The following GORAB variants were observed in gnomAD, a reference collection of about 807,000 sequenced individuals.
GORAB encodes the protein RAB6-interacting golgin.
GORAB carries 17 observed loss-of-function variants against 29.9 expected under a neutral mutation model. The ratio of observed to expected loss-of-function variants is 0.57; its 90% CI spans 0.39 to 0.85. The LOEUF (loss-of-function observed/expected upper bound fraction) is 0.85. Among genes scored for constraint, GORAB ranks in the 40% least tolerant of loss-of-function variants. The pLI is 0.00. For synonymous variants in GORAB, 183 were observed against 157.2 expected, an observed-to-expected ratio of 1.16 and a Z score of -1.23; for missense variants, 442 against 437.8, an observed-to-expected ratio of 1.01 and a Z score of -0.09.
At chr1:170,532,563 G>A (rs981412284) in intron 1 of GORAB, 6 of 432,378 alleles carry the variant, frequency 1.4e-5, no homozygotes, top group Non-Finnish European at 2.2e-5. Flanking sequence ...CTTGGGAGAG[G>A]AAGTGAGCCT....
intron 3 of GORAB, among the ~76,000 whole-genome samples, chr1:170,542,813 T>A (rs376696322): frequency 1.4e-4 from 22 of 152,320 alleles, no homozygotes; most frequent in African/African-American, 5.3e-4. Flanking sequence ...AATTTGTAAA[T>A]ATAGTTGCAG....
chr1:170,551,000 TTTCACATAAGAC>T (rs1650074012), intron 4 of GORAB, among the ~76,000 whole-genome samples: 1 of 152,240 alleles, frequency 6.6e-6, no homozygotes, highest in African/African-American at 2.4e-5. Context: ...AATTGCCCTA[TTTCACATAAGAC>T]TTCACATAAG....
chr1:170,544,651 G>C, intron 3 of GORAB, 54 bp from the exon 4 acceptor site: 1 of 1,493,658 alleles, frequency 6.7e-7, no homozygotes, highest in Non-Finnish European at 9.3e-7. Context: ...ATTGTATATG[G>C]ACACATGGTT....
chr1:170,552,151 T>C lies in GORAB; in HGVS notation c.799T>C (p.Leu267=). Reference sequence around the variant, plus strand: ...AAATGAGCTCCGAAAGGCCAAGAAGTTGGAGGAGTTGATGCAACAACTAGA... The same window carrying C: ...AAATGAGCTCCGAAAGGCCAAGAAGCTGGAGGAGTTGATGCAACAACTAGA... The part of the protein sequence containing the change: ...QQNELRKAKK[L]EELMQQLDVE... The change falls in exon 5 of 5, where the codon TTG becomes CTG. Residue 267 remains leucine (L), a synonymous_variant. Coordinates refer to ENST00000367763, the MANE Select transcript of GORAB (RefSeq NM_152281.3). 1 of 1,613,842 alleles carries C rather than the reference T, an allele frequency of 6.2e-7. No individual in the cohort carries two copies.
At chr1:170,547,397 GCTGCTGCTGCTGCTGCTA>G (rs969167531) in intron 4 of GORAB, among the ~76,000 whole-genome samples, 5 of 90,474 alleles carry the variant, frequency 5.5e-5, no homozygotes, top group Non-Finnish European at 9.5e-5. Flanking sequence ...TGAGAGAGTT[GCTGCTGCTGCTGCTGCTA>G]CTGCTGCTAC....
rs1211310315 is a variant in GORAB, at chr1:170,553,049, A to G, written c.*587A>G. 4 of 453,754 alleles carry G rather than the reference A, an allele frequency of 8.8e-6. No individual in the cohort carries two copies. In the East Asian group the frequency reaches 2.8e-4, roughly 32 times the overall value. 28.1% of individuals were successfully genotyped at this position (453,754 alleles called of 1,614,324 possible). A position where few individuals can be genotyped will look rare whatever the true frequency, so the allele number is the denominator to read the frequency against. ...TAAACCAGCATCACTTTTGTCTTCA[A>G]TTTGCCTTCCAGTGATTTTAGTTTA... On this transcript the variant is annotated 3_prime_UTR_variant, in exon 5 of 5. Coordinates refer to ENST00000367763, the MANE Select transcript of GORAB (RefSeq NM_152281.3).
intron 1 of GORAB, among the ~76,000 whole-genome samples, chr1:170,534,751 AT>A (rs1040339984): frequency 3.9e-5 from 6 of 152,166 alleles, no homozygotes; most frequent in African/African-American, 1.4e-4. Context: ...AGGCTGTACC[AT>A]CTAGGTTTGT....
intron 1 of GORAB, among the ~76,000 whole-genome samples, chr1:170,535,882 A>T (rs376236353): frequency 1.3e-5 from 2 of 151,810 alleles, no homozygotes; most frequent in Admixed American, 1.3e-4. Flanking sequence ...AAATATGTCA[A>T]CCTTTTTTTA....
chr1:170,548,330 G>A (rs1260211169), intron 4 of GORAB, among the ~76,000 whole-genome samples: 1 of 83,998 alleles, frequency 1.2e-5, no homozygotes, highest in Non-Finnish European at 2.3e-5. Flanking sequence ...GGTCCAGCTG[G>A]ATAATCTGGA....
chr1:170,541,203 C>CAAAAAAAAAAAAAAAAAAAAAAAAAAAA lies in GORAB; in HGVS notation c.420-1265_420-1264insAAAAAAAAAAAAAAAAAAAAAAAAAAAA. On this transcript the variant is annotated intron_variant, in intron 2 of 4. Transcript: ENST00000367763. Reference sequence around the variant, plus strand: ...TGGGCAACAGAGCAAGATTCTGTCCCAAAAAAAAAAAAAAAAAAAAAAAGC... The same window carrying CAAAAAAAAAAAAAAAAAAAAAAAAAAAA: ...TGGGCAACAGAGCAAGATTCTGTCCCAAAAAAAAAAAAAAAAAAAAAAAAAAAAAAAAAAAAAAAAAAAAAAAAAAAGC... Among the ~76,000 whole-genome samples the CAAAAAAAAAAAAAAAAAAAAAAAAAAAA allele has an allele frequency of 4.3e-5, 2 of 46,332 alleles. 1 individual carries two copies. The allele number at this position is 46,332 out of a possible 152,430, so 30.4% of individuals were successfully genotyped here.
chr1:170,542,601 C>T lies in GORAB; in HGVS notation c.521+9C>T, dbSNP rs773163768. 17 of 1,579,468 alleles carry T rather than the reference C, an allele frequency of 1.1e-5. No individual in the cohort carries two copies. Among genetic ancestry groups the T allele is most frequent in the South Asian group, 6.6e-5 (6 of 90,418 alleles). Reference sequence around the variant, plus strand: ...AAAGCTATTGCAGAAAGGTGAGGCACCTGAACCAGGAGAGGCTGTTTGTAA... The same window carrying T: ...AAAGCTATTGCAGAAAGGTGAGGCATCTGAACCAGGAGAGGCTGTTTGTAA... On this transcript the variant is annotated intron_variant, in intron 3 of 4. Transcript: ENST00000367763.
intron 3 of GORAB, 138 bp from the exon 4 acceptor site, chr1:170,544,567 A>G (rs1323439572): frequency 1.6e-6 from 1 of 612,200 alleles, no homozygotes; most frequent in Non-Finnish European, 2.6e-6. Flanking sequence ...CTTTATTTCA[A>G]TTTTTCTGAT....
At chr1:170,532,445 T>A in intron 1 of GORAB, 161 bp downstream of exon 1, 1 of 762,224 alleles carries the variant, frequency 1.3e-6, no homozygotes, top group Non-Finnish European at 2.2e-6. Context: ...GAGGAGGACT[T>A]ACTGGGAGTC....
rs1430806723 is a variant in GORAB, at chr1:170,553,475, T to C, written c.*1013T>C. The C allele has an allele frequency of 4.7e-6, 2 of 429,490 alleles. No individual in the cohort carries two copies. The highest frequency in any genetic ancestry group is 5.6e-5 in the Admixed American group (2 of 35,782). The allele number at this position is 429,490 out of a possible 1,614,324, so 26.6% of individuals were successfully genotyped here. A position where few individuals can be genotyped will look rare whatever the true frequency, so the allele number is the denominator to read the frequency against. On this transcript the variant is annotated 3_prime_UTR_variant, in exon 5 of 5. Transcript: ENST00000367763. The stretch of plus-strand genomic sequence containing the variant: ...TGTGAATATCACATTATGATTTATT[T>C]ATCAGAAATTCCAAAAAGTAAAAAT...
chr1:170,547,535 G>C (rs1048172213), intron 4 of GORAB, among the ~76,000 whole-genome samples: 1 of 152,180 alleles, frequency 6.6e-6, no homozygotes, highest in African/African-American at 2.4e-5. Context: ...CAGAGTGGCT[G>C]CATGTAGAAC....
rs778007699 is a variant in GORAB at position 170,539,255 on chromosome 1, A to G, written c.107A>G (p.Gln36Arg). ...QRRLPAKKSR[Q>R]QLQREKALVE... is the part of the protein sequence containing the mutation. ...CGTCTCCCCGCGAAGAAAAGTCGAC[A>G]ACAACTTCAGCGAGAAAAAGCCCTT... is the stretch of plus-strand genomic sequence containing the variant. The change falls in exon 2 of 5, where the codon CAA becomes CGA. Residue 36 changes from glutamine to arginine, a missense_variant. Coordinates refer to ENST00000367763, the MANE Select transcript of GORAB (RefSeq NM_152281.3). The G allele has an allele frequency of 2.5e-6, 4 of 1,614,200 alleles. No homozygotes were observed. Among genetic ancestry groups the G allele is most frequent in the Admixed American group, 3.3e-5 (2 of 60,010 alleles).
intron 1 of GORAB, among the ~76,000 whole-genome samples, chr1:170,537,837 G>A (rs957815446): frequency 3.9e-5 from 6 of 152,076 alleles, no homozygotes; most frequent in African/African-American, 1.4e-4. Context: ...CAGTCTTATA[G>A]GTAGGTTCTG....
At chr1:170,537,429 A>G (rs1249830663) in intron 1 of GORAB, among the ~76,000 whole-genome samples, 1 of 152,166 alleles carries the variant, frequency 6.6e-6, no homozygotes, top group African/African-American at 2.4e-5. Context: ...TTGAGAGACT[A>G]ATCAGCAGAA....
At chr1:170,534,751 A>C (rs1230965779) in intron 1 of GORAB, among the ~76,000 whole-genome samples, 3 of 152,166 alleles carry the variant, frequency 2.0e-5, no homozygotes, top group Non-Finnish European at 4.4e-5. Context: ...AGGCTGTACC[A>C]TCTAGGTTTG....
Sources: allele counts gnomAD v4.1 joint callset (sites outside exome capture counted in the v4.1 genomes callset), GRCh38; gene constraint gnomAD v4.1.1; transcripts MANE v1.5; gene names NCBI Gene and HGNC (gene_info 2026-07-23, HGNC 2026-07-21).